Variants in POFUT2 observed in about 807,000 individuals in gnomAD.
The protein encoded by POFUT2 is protein O-fucosyltransferase 2.
Under a neutral mutation model 55.0 loss-of-function variants are expected in POFUT2, and 30 were observed. The ratio of observed to expected loss-of-function variants is 0.55; its 90% CI spans 0.41 to 0.74. POFUT2 has a LOEUF of 0.74. Among genes scored for constraint, POFUT2 ranks in the 30% least tolerant of loss-of-function variants. The probability of loss-of-function intolerance (pLI) is 0.00; values close to 1 mark genes in which losing one functional copy is unlikely to be tolerated. For missense variants in POFUT2, 524 were observed against 562.6 expected, an observed-to-expected ratio of 0.93 and a Z score of 0.69; for synonymous variants, 267 against 231.1, an observed-to-expected ratio of 1.16 and a Z score of -1.41.
At position 45,284,392 on chromosome 21, in the gene POFUT2, C is replaced by T. The variant is rs780906592; in HGVS notation, c.383-865G>A. 3.9e-5 allele frequency among the ~76,000 whole-genome samples: 6 copies of T among 152,172 alleles called. No homozygotes were observed. Among genetic ancestry groups the T allele is most frequent in the South Asian group, 2.1e-4 (1 of 4,832 alleles). ...AGTGGGAGGTGGTGAAGATCCTGCA[C>T]GCTGGGCGCTATGTCAGCCACATCA... On this transcript the variant is annotated intron_variant, in intron 2 of 8. Transcript: ENST00000349485. This position sits in a 1 kb window ranked among gnomAD's most constrained non-coding sequence, Gnocchi z 5.8.
In POFUT2 at chr21:45,265,862, C is replaced by A. The variant is rs558780144; in HGVS notation, c.1137-227G>T. ...GAGGGGCTCTGCCTGGTGCTGCAGC[C>A]CCATCCACACCCCACAGTCAGCAGC... On this transcript the variant is annotated intron_variant, in intron 8 of 8. Transcript: ENST00000349485. This position sits in a 1 kb window ranked among gnomAD's most constrained non-coding sequence, Gnocchi z 4.6. 10 of 1,374,028 alleles carry A rather than the reference C, an allele frequency of 7.3e-6. No homozygotes were observed. The African/African-American group carries it at 1.5e-4, about 20-fold the overall frequency. 85.1% of individuals were successfully genotyped at this position (1,374,028 alleles called of 1,614,324 possible). A position where few individuals can be genotyped will look rare whatever the true frequency, so the allele number is the denominator to read the frequency against.
rs147578468 is a variant in POFUT2, at chr21:45,277,351, C to G, written c.706-209G>C. ...ATGAAGCCAACGCAGGGCAAGCCGC[C>G]CACCCCTGCCGGCTCTGCCAGCCCC... On this transcript the variant is annotated intron_variant, in intron 5 of 8. Transcript: ENST00000349485. The surrounding 1 kb of genome is among the most constrained non-coding windows in gnomAD (Gnocchi z 6.9). 297 of 606,662 alleles carry G rather than the reference C, an allele frequency of 4.9e-4. 2 individuals carry two copies. The highest frequency in any genetic ancestry group is 4.8e-3 in the African/African-American group (259 of 53,840). The allele number at this position is 606,662 out of a possible 1,614,324, so 37.6% of individuals were successfully genotyped here. A position where few individuals can be genotyped will look rare whatever the true frequency, so the allele number is the denominator to read the frequency against.
In POFUT2 at chr21:45,265,667, G is replaced by C; in HGVS notation, c.1137-32C>G. The C allele has an allele frequency of 1.3e-6, 1 of 779,230 alleles. No individual in the cohort carries two copies. The highest frequency in any genetic ancestry group is 1.7e-6 in the Non-Finnish European group (1 of 584,258). The allele number at this position is 779,230 out of a possible 1,614,324, so 48.3% of individuals were successfully genotyped here. ...AGGATCACAGAGGTTCCAGAGTCAG[G>C]GAGAACTGGCGTCACAGAGGTTCCA... On this transcript the variant is annotated intron_variant, in intron 8 of 8. Coordinates refer to ENST00000349485, the MANE Select transcript of POFUT2 (RefSeq NM_133635.6). This position sits in a 1 kb window ranked among gnomAD's most constrained non-coding sequence, Gnocchi z 4.6.
chr21:45,270,144 TC>T lies in POFUT2; in HGVS notation c.832-126del. On this transcript the variant is annotated intron_variant, in intron 6 of 8. Transcript: ENST00000349485. The surrounding 1 kb of genome is among the most constrained non-coding windows in gnomAD (Gnocchi z 4.6). Reference sequence around the variant, plus strand: ...CATGTGGCCTCCTCCACGGGGTGGCTCCAGGGCTGTCTAAGGGATTCAGGTG... The same window carrying T: ...CATGTGGCCTCCTCCACGGGGTGGCTCAGGGCTGTCTAAGGGATTCAGGTG... 1 of 594,954 alleles carries T rather than the reference TC, an allele frequency of 1.7e-6. No homozygotes were observed. Among genetic ancestry groups the T allele is most frequent in the Non-Finnish European group, 2.6e-6 (1 of 381,722 alleles). The allele number at this position is 594,954 out of a possible 1,614,324, so 36.9% of individuals were successfully genotyped here.
chr21:45,280,967 T>C (rs2146645818), intron 4 of POFUT2, among the ~76,000 whole-genome samples: 1 of 152,372 alleles, frequency 6.6e-6, no homozygotes. Flanking sequence ...TACCAATCTT[T>C]CTTTTTTGGT....
Position 45,270,132 on chromosome 21 carries a change from C to T in POFUT2, c.832-113G>A, listed in dbSNP as rs952035870. On this transcript the variant is annotated intron_variant, in intron 6 of 8. Transcript: ENST00000349485. The surrounding 1 kb of genome is among the most constrained non-coding windows in gnomAD (Gnocchi z 4.6). ...GATGACCCTTTCCATGTGGCCTCCT[C>T]CACGGGGTGGCTCCAGGGCTGTCTA... is the stretch of plus-strand genomic sequence containing the variant. The T allele has an allele frequency of 5.2e-6, 4 of 765,108 alleles. No homozygotes were observed. The African/African-American group carries it at 5.5e-5, about 10-fold the overall frequency. The allele number at this position is 765,108 out of a possible 1,614,324, so 47.4% of individuals were successfully genotyped here. A position where few individuals can be genotyped will look rare whatever the true frequency, so the allele number is the denominator to read the frequency against.
chr21:45,274,088 C>T (rs970349279), intron 6 of POFUT2, among the ~76,000 whole-genome samples: 1 of 152,166 alleles, frequency 6.6e-6, no homozygotes, highest in Non-Finnish European at 1.5e-5. Flanking sequence ...CCAAAAAGCT[C>T]CCAGATCTGA....
At chr21:45,283,549 C>A (rs2031021328) in intron 2 of POFUT2, 22 bp from the exon 3 acceptor site, 1 of 1,612,652 alleles carries the variant, frequency 6.2e-7, no homozygotes, top group Non-Finnish European at 8.5e-7. Context: ...CAAGAAAAGC[C>A]AGGCAGTGTG....
intron 8 of POFUT2, chr21:45,266,461 G>A (rs1361921115): frequency 2.6e-6 from 3 of 1,145,638 alleles, no homozygotes; most frequent in Admixed American, 3.9e-5. Context: ...GCAGCTGAGG[G>A]CAGGAGGCTG....
At chr21:45,283,561 C>T (rs1244290842) in intron 2 of POFUT2, 34 bp from the exon 3 acceptor site, 1 of 1,610,624 alleles carries the variant, frequency 6.2e-7, no homozygotes. Context: ...GGCAGTGTGA[C>T]AGCGATCAGA....
chr21:45,269,741 C>G, intron 7 of POFUT2, 98 bp downstream of exon 7: 1 of 1,178,780 alleles, frequency 8.5e-7, no homozygotes, highest in Admixed American at 2.4e-5. Context: ...GTTCCATGAC[C>G]CTGCCAAAAT....
In POFUT2 at chr21:45,285,918, A is replaced by G; in HGVS notation, c.142T>C (p.Tyr48His). 2 of 1,607,332 alleles carry G rather than the reference A, an allele frequency of 1.2e-6. No homozygotes were observed. Among genetic ancestry groups the G allele is most frequent in the Non-Finnish European group, 1.7e-6 (2 of 1,176,806 alleles). Reference sequence around the variant, plus strand: ...AAGCCTTCCGGGGGGTTGACGTCATACAGAAGATACCTGAGCAGGGAGAAG... The same window carrying G: ...AAGCCTTCCGGGGGGTTGACGTCATGCAGAAGATACCTGAGCAGGGAGAAG... Reference protein sequence around the residue: ...GAASRRRYLLYDVNPPEGFNL... With the variant: ...GAASRRRYLLHDVNPPEGFNL... The change falls in exon 2 of 9, where the codon TAT (tyrosine) becomes CAT (histidine). Residue 48 changes from tyrosine (Y) to histidine (H), a missense_variant. Physicochemically the swap from Tyr to His is moderately conservative, Grantham distance 83 (BLOSUM62 2). Transcript: ENST00000349485. This position sits in a 1 kb window ranked among gnomAD's most constrained non-coding sequence, Gnocchi z 4.9.
At chr21:45,286,220 G>A (rs918025601) in intron 1 of POFUT2, among the ~76,000 whole-genome samples, 1 of 152,194 alleles carries the variant, frequency 6.6e-6, no homozygotes. Context: ...TTCTCAAACT[G>A]TTTGGTTTAA....
Position 45,285,494 on chromosome 21 carries a change from G to A in POFUT2, c.382+184C>T. ...CATTTTGGGAAGCTCACTGCAGCGTGGGAAAGGGACTGTGCTCCTGAACGG... is the reference window on the plus strand; with the variant it reads ...CATTTTGGGAAGCTCACTGCAGCGTAGGAAAGGGACTGTGCTCCTGAACGG... On this transcript the variant is annotated intron_variant, in intron 2 of 8. Transcript: ENST00000349485. This position sits in a 1 kb window ranked among gnomAD's most constrained non-coding sequence, Gnocchi z 4.9. 1 of 720,634 alleles carries A rather than the reference G, an allele frequency of 1.4e-6. No homozygotes were observed. The highest frequency in any genetic ancestry group is 2.5e-6 in the Non-Finnish European group (1 of 407,162). The allele number at this position is 720,634 out of a possible 1,614,324, so 44.6% of individuals were successfully genotyped here. A position where few individuals can be genotyped will look rare whatever the true frequency, so the allele number is the denominator to read the frequency against.
chr21:45,283,949 C>T (rs1284104523), intron 2 of POFUT2, among the ~76,000 whole-genome samples: 1 of 152,172 alleles, frequency 6.6e-6, no homozygotes, highest in Non-Finnish European at 1.5e-5. Flanking sequence ...CTCACCCCCT[C>T]GGCCACCATC....
Position 45,285,416 on chromosome 21 carries a change from G to A in POFUT2, c.382+262C>T, listed in dbSNP as rs1182507242. ...GCCGCTTTCTTAGGGTGTAAGGGCG[G>A]CTCTAACTGAGGGGGCACAAAGCTC... On this transcript the variant is annotated intron_variant, in intron 2 of 8. Transcript: ENST00000349485. This position sits in a 1 kb window ranked among gnomAD's most constrained non-coding sequence, Gnocchi z 4.9. The A allele has an allele frequency of 4.1e-6, 2 of 488,130 alleles. No homozygotes were observed. The highest frequency in any genetic ancestry group is 3.7e-5 in the South Asian group (2 of 53,468). The allele number at this position is 488,130 out of a possible 1,614,324, so 30.2% of individuals were successfully genotyped here.
chr21:45,282,723 C>T lies in POFUT2; in HGVS notation c.528-264G>A, dbSNP rs2030840200. The T allele has an allele frequency of 9.3e-6, 5 of 535,754 alleles. No homozygotes were observed. The Admixed American group carries it at 9.6e-5, about 10-fold the overall frequency. 33.2% of individuals were successfully genotyped at this position (535,754 alleles called of 1,614,324 possible). A position where few individuals can be genotyped will look rare whatever the true frequency, so the allele number is the denominator to read the frequency against. On this transcript the variant is annotated intron_variant, in intron 3 of 8. Coordinates refer to ENST00000349485, the MANE Select transcript of POFUT2 (RefSeq NM_133635.6). The surrounding 1 kb of genome is among the most constrained non-coding windows in gnomAD (Gnocchi z 4.6). ...GGCCGGGGAGGCAGAGGGAGCCGGA[C>T]AGAGGCAGCCCTGTGCACCTTCAGG...
At position 45,281,173 on chromosome 21, in the gene POFUT2, G is replaced by A. The variant is rs949982003; in HGVS notation, c.638+1176C>T. On this transcript the variant is annotated intron_variant, in intron 4 of 8. Transcript: ENST00000349485. The surrounding 1 kb of genome is among the most constrained non-coding windows in gnomAD (Gnocchi z 5.0). ...ACTGCGCCTTTTCCCCCTGCTCCCC[G>A]GCAGAAGCGTTTCTCCTAAATCAGG... Among the ~76,000 whole-genome samples, 2 of 152,044 alleles carry A rather than the reference G, an allele frequency of 1.3e-5. No homozygotes were observed. Among genetic ancestry groups the A allele is most frequent in the South Asian group, 2.1e-4 (1 of 4,818 alleles).
intron 6 of POFUT2, among the ~76,000 whole-genome samples, chr21:45,273,637 C>T (rs1365070571): frequency 6.6e-6 from 1 of 152,074 alleles, no homozygotes; most frequent in East Asian, 1.9e-4. Context: ...GGTATCATAC[C>T]AGGGATGCAG....
Sources: gnomAD v4.1 joint callset for allele counts (sites outside exome capture counted in the v4.1 genomes callset) on GRCh38, gnomAD v4.1.1 for gene constraint, Gnocchi (gnomAD v3.1) non-coding constraint, MANE v1.5 for transcripts, NCBI Gene and HGNC (gene_info 2026-07-23, HGNC 2026-07-21) for gene names.